Variants in PLPP1 observed in about 807,000 individuals in gnomAD.
PLPP1 encodes the protein phospholipid phosphatase 1, also known as lipid phosphate phosphohydrolase 1a.
A neutral mutation model predicts 31.2 loss-of-function variants in PLPP1; 24 were observed. The observed-to-expected ratio is 0.77, with a 90% CI of 0.56 to 1.08. The LOEUF is 1.08. Among genes scored for constraint, PLPP1 ranks in the 50% least tolerant of loss-of-function variants. The probability of loss-of-function intolerance (pLI) is 0.00; values close to 1 mark genes in which losing one functional copy is unlikely to be tolerated. For missense variants in PLPP1, 319 were observed against 342.7 expected, an observed-to-expected ratio of 0.93 and a Z score of 0.55; for synonymous variants, 146 against 126.3, an observed-to-expected ratio of 1.16 and a Z score of -1.05.
chr5:55,479,962 T>C (rs1230673142), intron 1 of PLPP1, among the ~76,000 whole-genome samples: 1 of 152,234 alleles, frequency 6.6e-6, no homozygotes, highest in African/African-American at 2.4e-5. Flanking sequence ...AATTAAAAGA[T>C]ACAAACATTA....
chr5:55,498,026 A>C (rs1253928859), intron 1 of PLPP1, among the ~76,000 whole-genome samples: 1 of 152,218 alleles, frequency 6.6e-6, no homozygotes. Context: ...GAAGATAAGC[A>C]GAACCAGGAG....
At chr5:55,443,192 A>AAAAAAAAAAAAATAT in intron 3 of PLPP1, among the ~76,000 whole-genome samples, 5 of 25,442 alleles carry the variant, frequency 2.0e-4, no homozygotes, top group African/African-American at 4.3e-4. Context: ...AAAAAAAAAA[A>AAAAAAAAAAAAATAT]ATATATATAT....
chr5:55,439,117 A>T (rs1751563972), intron 4 of PLPP1, among the ~76,000 whole-genome samples: 1 of 152,030 alleles, frequency 6.6e-6, no homozygotes. Flanking sequence ...TTGCCATTAT[A>T]ACTTTACATC....
chr5:55,529,691 C>G (rs1438854431), intron 1 of PLPP1, among the ~76,000 whole-genome samples: 1 of 151,988 alleles, frequency 6.6e-6, no homozygotes, highest in Non-Finnish European at 1.5e-5. Flanking sequence ...TAAAAAATTT[C>G]CTTTGGATTT....
intron 1 of PLPP1, among the ~76,000 whole-genome samples, chr5:55,506,593 T>G (rs1418922268): frequency 1.3e-5 from 2 of 152,156 alleles, no homozygotes; most frequent in African/African-American, 2.4e-5. Context: ...CAGCAAAATG[T>G]ATAAGAAAAA....
At chr5:55,448,228 C>G (rs1301970912) in intron 3 of PLPP1, among the ~76,000 whole-genome samples, 1 of 152,098 alleles carries the variant, frequency 6.6e-6, no homozygotes, top group Non-Finnish European at 1.5e-5. Context: ...CTACAAGAAT[C>G]TCACATCTAA....
chr5:55,483,674 A>AC (rs1316724237), intron 1 of PLPP1, among the ~76,000 whole-genome samples: 1 of 151,106 alleles, frequency 6.6e-6, no homozygotes, highest in African/African-American at 2.4e-5. Flanking sequence ...TGTCTCAAAA[A>AC]AAAAAAAAAA....
intron 4 of PLPP1, among the ~76,000 whole-genome samples, chr5:55,429,069 C>T (rs1261269316): frequency 6.6e-6 from 1 of 152,120 alleles, no homozygotes; most frequent in Non-Finnish European, 1.5e-5. Flanking sequence ...CAGAGACCTG[C>T]TGGGCTGTAT....
intron 3 of PLPP1, among the ~76,000 whole-genome samples, chr5:55,444,771 G>GTGTGTGTGT (rs369243024): frequency 4.0e-5 from 6 of 150,790 alleles, no homozygotes; most frequent in East Asian, 3.9e-4. Context: ...GTGTGTGTGT[G>GTGTGTGTGT]ATGGAGTCTC....
At chr5:55,517,377 G>A (rs1228996723) in intron 1 of PLPP1, among the ~76,000 whole-genome samples, 1 of 151,630 alleles carries the variant, frequency 6.6e-6, no homozygotes. Flanking sequence ...TGTTTTTTTG[G>A]GTAGAAACAA....
chr5:55,528,961 CAG>C (rs1740564795), intron 1 of PLPP1, among the ~76,000 whole-genome samples: 1 of 151,964 alleles, frequency 6.6e-6, no homozygotes, highest in South Asian at 2.1e-4. Context: ...AGTAGTGAAA[CAG>C]TGGTTGGTAG....
chr5:55,453,249 G>T (rs1391033214), intron 3 of PLPP1, among the ~76,000 whole-genome samples: 1 of 151,976 alleles, frequency 6.6e-6, no homozygotes, highest in Non-Finnish European at 1.5e-5. Flanking sequence ...TAAAACTAAG[G>T]AATATACTTT....
intron 3 of PLPP1, among the ~76,000 whole-genome samples, chr5:55,462,716 A>G (rs752560700): frequency 2.3e-4 from 35 of 152,086 alleles, no homozygotes; most frequent in Non-Finnish European, 4.4e-4. Context: ...GCTCACACCT[A>G]TAATCCCAGC....
chr5:55,534,011 C>T (rs907585211), intron 1 of PLPP1, among the ~76,000 whole-genome samples: 49 of 152,282 alleles, frequency 3.2e-4, no homozygotes, highest in Admixed American at 2.7e-3. Context: ...CCTCCCCCAC[C>T]CCCAAAACTT....
intron 1 of PLPP1, among the ~76,000 whole-genome samples, chr5:55,482,240 T>C (rs975008170): frequency 1.2e-4 from 18 of 150,970 alleles, no homozygotes; most frequent in African/African-American, 3.2e-4. Flanking sequence ...CCAGTCAGGA[T>C]ACGCATTCAA....
At chr5:55,445,542 T>C (rs1405470491) in intron 3 of PLPP1, among the ~76,000 whole-genome samples, 60 of 10,700 alleles carry the variant, frequency 5.6e-3, no homozygotes, top group African/African-American at 0.011. Context: ...ACTCTTTTTT[T>C]TTTTTTTTTT....
intron 3 of PLPP1, among the ~76,000 whole-genome samples, chr5:55,443,192 A>AAAAAAAATATATAT: frequency 1.2e-4 from 3 of 25,438 alleles, no homozygotes; most frequent in African/African-American, 1.1e-4. Context: ...AAAAAAAAAA[A>AAAAAAAATATATAT]ATATATATAT....
At chr5:55,488,752 C>A (rs374908883) in intron 1 of PLPP1, among the ~76,000 whole-genome samples, 2 of 152,128 alleles carry the variant, frequency 1.3e-5, no homozygotes, top group Non-Finnish European at 2.9e-5. Context: ...GGTAGTAGAA[C>A]TAAGGGCTAT....
In PLPP1 at chr5:55,443,192, A is replaced by AAT. The variant is rs1159178740; in HGVS notation, c.492-1286_492-1285dup. On this transcript the variant is annotated intron_variant, in intron 3 of 5. Coordinates refer to ENST00000307259, the MANE Select transcript of PLPP1 (RefSeq NM_003711.4). ...AAGGATTACTTAAAAAAAAAAAAAA[A>AAT]ATATATATATATATATATATACACA... Among the ~76,000 whole-genome samples, 85 of 25,420 alleles carry AAT rather than the reference A, an allele frequency of 3.3e-3. 2 individuals carry two copies. Among genetic ancestry groups the AAT allele is most frequent in the Middle Eastern group, 0.045 (1 of 22 alleles). 16.7% of individuals were successfully genotyped at this position (25,420 alleles called of 152,430 possible). A position where few individuals can be genotyped will look rare whatever the true frequency, so the allele number is the denominator to read the frequency against.
Sources: gnomAD v4.1 joint callset for allele counts (sites outside exome capture counted in the v4.1 genomes callset) on GRCh38, gnomAD v4.1.1 for gene constraint, MANE v1.5 for transcripts, NCBI Gene and HGNC (gene_info 2026-07-23, HGNC 2026-07-21) for gene names.